TRIM66: variants seen among roughly 807,000 people sequenced by gnomAD.
TRIM66 encodes the protein tripartite motif-containing protein 66.
Under a neutral mutation model 148.2 loss-of-function variants are expected in TRIM66, and 99 were observed. The observed-to-expected ratio is 0.67, with a 90% CI of 0.57 to 0.79. TRIM66 has a LOEUF of 0.79. Among genes scored for constraint, TRIM66 ranks in the 30% least tolerant of loss-of-function variants. TRIM66 has a pLI of 0.00. For missense variants in TRIM66, 1,666 were observed against 1,697.9 expected, an observed-to-expected ratio of 0.98 and a Z score of 0.33; for synonymous variants, 616 against 635.9, an observed-to-expected ratio of 0.97 and a Z score of 0.47.
chr11:8,665,612 C>A (rs796873692), intron 6 of TRIM66, among the ~76,000 whole-genome samples: 5 of 152,250 alleles, frequency 3.3e-5, no homozygotes, highest in African/African-American at 1.2e-4. Flanking sequence ...GAGACAGACA[C>A]ACAAACCAAC....
intron 6 of TRIM66, among the ~76,000 whole-genome samples, chr11:8,652,921 G>A (rs2037488410): frequency 6.6e-6 from 1 of 152,174 alleles, no homozygotes; most frequent in Non-Finnish European, 1.5e-5. Flanking sequence ...CAATGACCTT[G>A]GGCAAAACAC....
At chr11:8,644,414 C>T (rs1364880564) in intron 12 of TRIM66, 2 of 454,168 alleles carry the variant, frequency 4.4e-6, no homozygotes, top group Non-Finnish European at 8.8e-6. Context: ...TGTTTTAACC[C>T]TCTTATTATC....
At chr11:8,627,221 T>C (rs1205694255) in intron 15 of TRIM66, among the ~76,000 whole-genome samples, 1 of 152,208 alleles carries the variant, frequency 6.6e-6, no homozygotes, top group African/African-American at 2.4e-5. Flanking sequence ...AAGAGCAGTG[T>C]CTGGATGAAT....
At chr11:8,622,940 A>T in intron 17 of TRIM66, 64 bp from the exon 18 acceptor site, 1 of 1,370,484 alleles carries the variant, frequency 7.3e-7, no homozygotes, top group Non-Finnish European at 1.0e-6. Context: ...CGTCATGCAT[A>T]TCTTCTACTT....
At chr11:8,659,643 C>G (rs375915684) in intron 6 of TRIM66, among the ~76,000 whole-genome samples, 3 of 152,168 alleles carry the variant, frequency 2.0e-5, no homozygotes, top group African/African-American at 7.2e-5. Flanking sequence ...GTTAGAAATC[C>G]TGAATCTACC....
At chr11:8,652,450 G>A (rs2037440916) in intron 6 of TRIM66, among the ~76,000 whole-genome samples, 2 of 152,128 alleles carry the variant, frequency 1.3e-5, no homozygotes, top group African/African-American at 4.8e-5. Flanking sequence ...GCATATACCA[G>A]TCAGTCTGCC....
Position 8,614,026 on chromosome 11 carries a change from C to G in TRIM66, c.*3918G>C, listed in dbSNP as rs2033566872. On this transcript the variant is annotated 3_prime_UTR_variant, in exon 25 of 25. Transcript: ENST00000646038. ...TGATGATGCCGAAAATGGAGAATGG[C>G]TGATAGTTTCAGCAAAATTGAAGGG... 6.6e-6 allele frequency: 1 copy of G among 152,240 alleles called. No homozygotes were observed. The highest frequency in any genetic ancestry group is 6.5e-5 in the Admixed American group (1 of 15,276). The allele number at this position is 152,240 out of a possible 1,614,324, so 9.4% of individuals were successfully genotyped here. A position where few individuals can be genotyped will look rare whatever the true frequency, so the allele number is the denominator to read the frequency against.
At chr11:8,624,140 A>G (rs2034576366) in intron 17 of TRIM66, among the ~76,000 whole-genome samples, 1 of 152,166 alleles carries the variant, frequency 6.6e-6, no homozygotes, top group South Asian at 2.1e-4. Context: ...TTACAAAAAG[A>G]GTAAGTCCTG....
intron 10 of TRIM66, 135 bp from the exon 11 acceptor site, chr11:8,646,696 A>G (rs1592124567): frequency 3.0e-6 from 2 of 657,894 alleles, no homozygotes; most frequent in Non-Finnish European, 5.3e-6. Context: ...ATACAAAAAA[A>G]AGAGAGCCTT....
At chr11:8,634,637 C>T (rs2035718410) in intron 15 of TRIM66, among the ~76,000 whole-genome samples, 1 of 152,158 alleles carries the variant, frequency 6.6e-6, no homozygotes. Context: ...GATTAGGAAG[C>T]TTAGGCAACA....
intron 22 of TRIM66, among the ~76,000 whole-genome samples, 170 bp downstream of exon 22, chr11:8,619,880 T>G (rs1591997864): frequency 6.6e-6 from 1 of 152,248 alleles, no homozygotes; most frequent in East Asian, 1.9e-4. Flanking sequence ...ACCACGCTCC[T>G]GCCCCATGGC....
rs923332164 is a variant in TRIM66, at chr11:8,618,654, G to A, written c.4119+96C>T. 1.0e-5 allele frequency: 12 copies of A among 1,179,708 alleles called. No individual in the cohort carries two copies. In the Admixed American group the frequency reaches 2.4e-4, roughly 23 times the overall value. 73.1% of individuals were successfully genotyped at this position (1,179,708 alleles called of 1,614,324 possible). A position where few individuals can be genotyped will look rare whatever the true frequency, so the allele number is the denominator to read the frequency against. ...GGTTCGTTGTCACCACCATCTTTTT[G>A]CACCACCCGAACAGCTTCACCTTAG... is the stretch of plus-strand genomic sequence containing the variant. On this transcript the variant is annotated intron_variant, in intron 24 of 24. Coordinates refer to ENST00000646038, the MANE Select transcript of TRIM66 (RefSeq NM_001388022.1).
At chr11:8,642,937 T>C in intron 13 of TRIM66, 72 bp downstream of exon 13, 1 of 877,174 alleles carries the variant, frequency 1.1e-6, no homozygotes, top group Non-Finnish European at 1.6e-6. Flanking sequence ...TATGCTGACC[T>C]ACCCAGTAAG....
At chr11:8,620,784 T>C (rs1480906302) in intron 20 of TRIM66, among the ~76,000 whole-genome samples, 1 of 152,208 alleles carries the variant, frequency 6.6e-6, no homozygotes, top group Admixed American at 6.5e-5. Context: ...GGTAGTAGTA[T>C]AGGCACAAAT....
At chr11:8,638,866 A>C in intron 14 of TRIM66, 51 bp from the exon 15 acceptor site, 1 of 1,526,888 alleles carries the variant, frequency 6.5e-7, no homozygotes. Flanking sequence ...ACAGCGTAGC[A>C]GCAGCAGCAG....
Position 8,640,764 on chromosome 11 carries a change from G to A in TRIM66, c.1611C>T (p.Pro537=), listed in dbSNP as rs746401699. 1.9e-5 allele frequency: 29 copies of A among 1,551,160 alleles called. 1 individual carries two copies. The South Asian group carries it at 2.7e-4, about 15-fold the overall frequency. The change falls in exon 14 of 25, where the codon CCC becomes CCT. Residue 537 remains proline (P), a synonymous_variant. Coordinates refer to ENST00000646038, the MANE Select transcript of TRIM66 (RefSeq NM_001388022.1). ...LLQPWLETQP[P]VEQESTSQRL... The stretch of plus-strand genomic sequence containing the variant: ...GCTGGGATGTGCTCTCCTGCTCCAC[G>A]GGGGGCTGGGTTTCCAGCCAGGGCT...
At chr11:8,682,676 C>A (rs2039501502), upstream of TRIM66, 1 of 946,234 alleles carries the variant, frequency 1.1e-6, no homozygotes, top group Non-Finnish European at 1.7e-6. Flanking sequence ...GACTAGCAGG[C>A]GCGCAATCCC....
intron 6 of TRIM66, among the ~76,000 whole-genome samples, chr11:8,670,987 T>C (rs1279210487): frequency 2.0e-5 from 3 of 152,230 alleles, no homozygotes; most frequent in African/African-American, 4.8e-5. Flanking sequence ...CTTGAGAACA[T>C]TTCACTAATT....
chr11:8,650,310 C>T (rs2037244016), intron 7 of TRIM66, among the ~76,000 whole-genome samples: 1 of 151,898 alleles, frequency 6.6e-6, no homozygotes, highest in South Asian at 2.1e-4. Flanking sequence ...GAGGTCAAGG[C>T]TGCAGTGAGC....
Sources: gnomAD v4.1 joint callset for allele counts (sites outside exome capture counted in the v4.1 genomes callset) on GRCh38, gnomAD v4.1.1 for gene constraint, MANE v1.5 for transcripts, NCBI Gene and HGNC (gene_info 2026-07-23, HGNC 2026-07-21) for gene names.